Variants in MAF observed in about 807,000 individuals in gnomAD.
The protein encoded by MAF is MAF bZIP transcription factor, also known as transcription factor Maf.
Under a neutral mutation model 22.0 loss-of-function variants are expected in MAF, and 10 were observed. The ratio of observed to expected loss-of-function variants is 0.45; its 90% CI spans 0.28 to 0.77. MAF has a LOEUF of 0.77. MAF is among the 30% of genes least tolerant of loss of function. The probability of loss-of-function intolerance (pLI) is 0.12; values close to 1 mark genes in which losing one functional copy is unlikely to be tolerated. For synonymous variants in MAF, 337 were observed against 255.8 expected, an observed-to-expected ratio of 1.32 and a Z score of -3.03; for missense variants, 544 against 548.4, an observed-to-expected ratio of 0.99 and a Z score of 0.08.
downstream of MAF, among the ~76,000 whole-genome samples, chr16:79,592,312 A>C (rs1913236067): frequency 6.6e-6 from 1 of 152,192 alleles, no homozygotes; most frequent in African/African-American, 2.4e-5. Context: ...TGGGAGACTG[A>C]AATTCTCTCA....
At chr16:79,435,658 C>T in the MAF span, among the ~76,000 whole-genome samples, 1 of 152,174 alleles carries the variant, frequency 6.6e-6, no homozygotes, top group Non-Finnish European at 1.5e-5. Flanking sequence ...CTTCTCAGGG[C>T]ATTTCTATGT....
chr16:79,329,028 C>A, the MAF span, among the ~76,000 whole-genome samples: 1 of 151,926 alleles, frequency 6.6e-6, no homozygotes, highest in Non-Finnish European at 1.5e-5. Flanking sequence ...CAAGCTGTAT[C>A]TTTCACACCC....
chr16:79,293,723 T>G, the MAF span, among the ~76,000 whole-genome samples: 1 of 152,152 alleles, frequency 6.6e-6, no homozygotes, highest in Non-Finnish European at 1.5e-5. Flanking sequence ...TGCATAGTAG[T>G]GTGTCTGTGA....
chr16:79,469,115 G>T, the MAF span, among the ~76,000 whole-genome samples: 2 of 152,086 alleles, frequency 1.3e-5, no homozygotes, highest in Non-Finnish European at 2.9e-5. Context: ...TAAAGCAGAG[G>T]TTGCAAACTG....
chr16:79,499,755 T>C, the MAF span, among the ~76,000 whole-genome samples: 6 of 152,276 alleles, frequency 3.9e-5, no homozygotes, highest in East Asian at 1.2e-3. Context: ...CAAAATAAAT[T>C]TCTGTTGTTT....
chr16:79,433,470 A>G, the MAF span, among the ~76,000 whole-genome samples: 6 of 151,888 alleles, frequency 4.0e-5, no homozygotes, highest in African/African-American at 1.2e-4. Flanking sequence ...ACTGTTCAGA[A>G]TGTGGCTCTG....
the MAF span, among the ~76,000 whole-genome samples, chr16:79,459,616 G>A: frequency 2.0e-5 from 3 of 151,384 alleles, no homozygotes; most frequent in Non-Finnish European, 2.9e-5. Flanking sequence ...TCTAACAACC[G>A]AGATAGAAGG....
chr16:79,422,933 G>A, the MAF span, among the ~76,000 whole-genome samples: 1 of 152,118 alleles, frequency 6.6e-6, no homozygotes, highest in Non-Finnish European at 1.5e-5. Flanking sequence ...CTTCAGATAA[G>A]AAGAAAATAA....
the MAF span, among the ~76,000 whole-genome samples, chr16:79,442,667 C>T: frequency 6.6e-6 from 1 of 152,184 alleles, no homozygotes; most frequent in African/African-American, 2.4e-5. Context: ...CTGCCTTGGC[C>T]TCCCAAAAGA....
chr16:79,288,210 T>C, the MAF span, among the ~76,000 whole-genome samples: 1 of 152,170 alleles, frequency 6.6e-6, no homozygotes, highest in African/African-American at 2.4e-5. Flanking sequence ...GCTTCTGCCA[T>C]CAAGAGGTGG....
the MAF span, among the ~76,000 whole-genome samples, chr16:79,520,092 C>T: frequency 6.6e-6 from 1 of 152,178 alleles, no homozygotes; most frequent in East Asian, 1.9e-4. Context: ...AGACTAGGGC[C>T]TCTTCTGAGT....
chr16:79,275,949 G>T, the MAF span, among the ~76,000 whole-genome samples: 1 of 152,124 alleles, frequency 6.6e-6, no homozygotes, highest in East Asian at 1.9e-4. Flanking sequence ...AGACCGTCCT[G>T]GCTAACACGG....
chr16:79,421,491 T>C, the MAF span, among the ~76,000 whole-genome samples: 1 of 152,236 alleles, frequency 6.6e-6, no homozygotes, highest in Admixed American at 6.5e-5. Context: ...CTTTTCAGAC[T>C]GGCTCTTGTC....
downstream of MAF, among the ~76,000 whole-genome samples, chr16:79,592,346 GA>G (rs918037671): frequency 6.6e-6 from 1 of 152,062 alleles, no homozygotes; most frequent in Non-Finnish European, 1.5e-5. Flanking sequence ...CCCCGCTAGG[GA>G]AAAAAATGCT....
the MAF span, among the ~76,000 whole-genome samples, chr16:79,376,111 A>C: frequency 2.0e-5 from 1 of 48,852 alleles, no homozygotes; most frequent in East Asian, 3.3e-4. Flanking sequence ...TGTTGGAGAG[A>C]AAAAAAAAAG....
chr16:79,267,440 G>A, the MAF span, among the ~76,000 whole-genome samples: 1 of 152,176 alleles, frequency 6.6e-6, no homozygotes, highest in African/African-American at 2.4e-5. Flanking sequence ...GTGTGGTATG[G>A]GAAAGGAGGA....
chr16:79,564,177 G>C, the MAF span, among the ~76,000 whole-genome samples: 39 of 152,326 alleles, frequency 2.6e-4, no homozygotes, highest in Non-Finnish European at 1.2e-4. Flanking sequence ...CAAAGTCCTG[G>C]CAGGGCAGCG....
At chr16:79,325,402 G>A in the MAF span, among the ~76,000 whole-genome samples, 1 of 152,274 alleles carries the variant, frequency 6.6e-6, no homozygotes, top group African/African-American at 2.4e-5. Flanking sequence ...ACAGCTGTGT[G>A]ACTCAGGTAT....
the MAF span, among the ~76,000 whole-genome samples, chr16:79,329,638 C>G: frequency 5.9e-5 from 9 of 152,152 alleles, no homozygotes; most frequent in African/African-American, 2.2e-4. Context: ...CTTCCCCCAT[C>G]TGAATAACCC....
Sources: allele counts gnomAD v4.1 joint callset (sites outside exome capture counted in the v4.1 genomes callset), GRCh38; gene constraint gnomAD v4.1.1; transcripts MANE v1.5; gene names NCBI Gene and HGNC (gene_info 2026-07-23, HGNC 2026-07-21).